NOP58: variants seen among roughly 807,000 people sequenced by gnomAD.
The protein encoded by NOP58 is nucleolar protein 58.
NOP58 carries 44 observed loss-of-function variants against 71.2 expected under a neutral mutation model. The observed-to-expected ratio is 0.62, with a 90% CI of 0.49 to 0.79. NOP58 has a LOEUF of 0.79. Ranked by LOEUF, NOP58 falls within the 30% of genes least tolerant of loss-of-function variation. The pLI, the probability that NOP58 is intolerant of heterozygous loss-of-function variation, is 0.00. For missense variants in NOP58, 538 were observed against 620.2 expected (o/e 0.87, Z 1.41); for synonymous variants, 228 against 200.3 (o/e 1.14, Z -1.17).
chr2:202,288,542 C>T (rs1688830530), intron 6 of NOP58, among the ~76,000 whole-genome samples: 1 of 150,356 alleles, frequency 6.7e-6, no homozygotes, highest in Non-Finnish European at 1.5e-5. Context: ...GAAATGCATT[C>T]GGCCGTGGCT....
chr2:202,303,333 A>G, intron 14 of NOP58, 53 bp from the exon 15 acceptor site: 2 of 1,603,346 alleles, frequency 1.2e-6, no homozygotes, highest in Non-Finnish European at 1.7e-6. Context: ...CAATGTGATT[A>G]CTCACCCATA....
intron 8 of NOP58, among the ~76,000 whole-genome samples, chr2:202,291,931 T>TA (rs1688907647): frequency 7.2e-6 from 1 of 138,720 alleles, no homozygotes; most frequent in Non-Finnish European, 1.5e-5. Flanking sequence ...ATATAGGAAT[T>TA]AAAAAGAGCA....
intron 14 of NOP58, 75 bp from the exon 15 acceptor site, chr2:202,303,310 GT>G: frequency 6.3e-7 from 1 of 1,579,008 alleles, no homozygotes; most frequent in Non-Finnish European, 8.6e-7. Flanking sequence ...TATAGGTGGG[GT>G]TTTTATATTT....
Position 202,297,805 on chromosome 2 carries a change from G to T in NOP58, c.1207-40G>T, listed in dbSNP as rs1173904691. ...GTATAGTGTATTATAAAGAGATTAT[G>T]ACTTAGAAGTGTATTTGTAATTTTT... On this transcript the variant is annotated intron_variant, in intron 11 of 14. Transcript: ENST00000264279. The T allele has an allele frequency of 2.6e-6, 3 of 1,173,650 alleles. No individual in the cohort carries two copies. The South Asian group carries it at 4.3e-5, about 17-fold the overall frequency. 72.7% of individuals were successfully genotyped at this position (1,173,650 alleles called of 1,614,324 possible). A position where few individuals can be genotyped will look rare whatever the true frequency, so the allele number is the denominator to read the frequency against.
At chr2:202,272,959 C>A (rs553363834) in intron 1 of NOP58, among the ~76,000 whole-genome samples, 1 of 151,980 alleles carries the variant, frequency 6.6e-6, no homozygotes, top group Non-Finnish European at 1.5e-5. Flanking sequence ...ACGGTGAAAC[C>A]CCATCTCTAC....
intron 4 of NOP58, among the ~76,000 whole-genome samples, chr2:202,282,785 G>A (rs1054670287): frequency 1.6e-4 from 25 of 151,944 alleles, no homozygotes; most frequent in Non-Finnish European, 3.2e-4. Context: ...TTTTTCCAAC[G>A]AAAATGGGGT....
intron 13 of NOP58, 84 bp from the exon 14 acceptor site, chr2:202,302,834 GAAA>G: frequency 6.7e-7 from 1 of 1,497,960 alleles, no homozygotes; most frequent in Non-Finnish European, 8.8e-7. Flanking sequence ...GAGAATGACA[GAAA>G]AAAACTAGGA....
intron 9 of NOP58, among the ~76,000 whole-genome samples, chr2:202,294,823 T>A (rs1045995120): frequency 7.2e-5 from 11 of 151,914 alleles, no homozygotes; most frequent in Admixed American, 1.3e-4. Context: ...AAAAATTAGC[T>A]GGGTGTAGTG....
At position 202,295,776 on chromosome 2, in the gene NOP58, A is replaced by T; in HGVS notation, c.1010A>T (p.Lys337Met). ...CTCAAATCTAGACGGGATACCCCTA[A>T]GTATGGTCTCATTTATCATGCTTCA... ...RALKSRRDTP[K>M]YGLIYHASLV... Residue 337 changes from lysine (K) to methionine (M), a missense_variant, in exon 10 of 15, where the codon AAG (lysine) becomes ATG (methionine). Coordinates refer to ENST00000264279, the MANE Select transcript of NOP58 (RefSeq NM_015934.5). 6.2e-7 allele frequency: 1 copy of T among 1,611,006 alleles called. No individual in the cohort carries two copies. The highest frequency in any genetic ancestry group is 8.5e-7 in the Non-Finnish European group (1 of 1,178,890).
chr2:202,283,624 A>G (rs893243249), intron 4 of NOP58, among the ~76,000 whole-genome samples: 2 of 151,520 alleles, frequency 1.3e-5, no homozygotes, highest in African/African-American at 2.4e-5. Flanking sequence ...TATTTTTAGT[A>G]GAGACGGGGT....
At chr2:202,282,986 G>A (rs1280984370) in intron 4 of NOP58, among the ~76,000 whole-genome samples, 5 of 152,132 alleles carry the variant, frequency 3.3e-5, no homozygotes, top group Admixed American at 3.3e-4. Context: ...GGCCAAGGTA[G>A]GAGTATCACG....
intron 3 of NOP58, 200 bp downstream of exon 3, chr2:202,278,202 T>C (rs759648064): frequency 6.3e-5 from 42 of 665,374 alleles, no homozygotes; most frequent in South Asian, 5.7e-4. Context: ...GTTAGCTTTT[T>C]TCACCATAGG....
At chr2:202,267,718 A>G (rs1301054963) in intron 1 of NOP58, among the ~76,000 whole-genome samples, 1 of 152,190 alleles carries the variant, frequency 6.6e-6, no homozygotes, top group African/African-American at 2.4e-5. Context: ...TGCACAGTGC[A>G]CTGGTTGTCT....
Position 202,282,436 on chromosome 2 carries a change from G to T in NOP58, c.261G>T (p.Leu87=), listed in dbSNP as rs746772637. 22 of 1,611,870 alleles carry T rather than the reference G, an allele frequency of 1.4e-5. No individual in the cohort carries two copies. Among genetic ancestry groups the T allele is most frequent in the African/African-American group, 4.0e-5 (3 of 74,744 alleles). ...KKIVKEAHEP[L]AVADAKLGGV... ...TAGTAAAAGAAGCCCATGAACCGCT[G>T]GCAGTAGCTGATGCTAAACTAGGAG... Residue 87 remains leucine (L), a synonymous_variant, in exon 4 of 15, where the codon CTG becomes CTT. Transcript: ENST00000264279.
Position 202,303,496 on chromosome 2 carries a change from G to A in NOP58, c.*60G>A. ...CATCATGCTTAAGATTCAACTGGGA[G>A]CATACCAGGGATGCTCTCTAACGTA... On this transcript the variant is annotated 3_prime_UTR_variant, in exon 15 of 15. Transcript: ENST00000264279. 4 of 1,562,978 alleles carry A rather than the reference G, an allele frequency of 2.6e-6. No homozygotes were observed. The highest frequency in any genetic ancestry group is 1.2e-5 in the South Asian group (1 of 85,782).
At chr2:202,289,565 C>T (rs1348378505) in intron 6 of NOP58, among the ~76,000 whole-genome samples, 2 of 152,168 alleles carry the variant, frequency 1.3e-5, no homozygotes, top group Non-Finnish European at 2.9e-5. Flanking sequence ...CTCTGAAATA[C>T]TTCTGGTCCC....
intron 3 of NOP58, among the ~76,000 whole-genome samples, chr2:202,280,020 A>G (rs912829010): frequency 6.6e-6 from 1 of 152,210 alleles, no homozygotes; most frequent in African/African-American, 2.4e-5. Context: ...TGTCATAGAA[A>G]CATTTACAAT....
intron 1 of NOP58, among the ~76,000 whole-genome samples, chr2:202,268,057 A>G (rs531678868): frequency 1.5e-4 from 23 of 152,334 alleles, no homozygotes; most frequent in African/African-American, 5.3e-4. Flanking sequence ...GGAACTAGTG[A>G]TGGCTGCACA....
At chr2:202,279,364 C>T (rs1224982914) in intron 3 of NOP58, among the ~76,000 whole-genome samples, 4 of 152,174 alleles carry the variant, frequency 2.6e-5, no homozygotes, top group Admixed American at 2.6e-4. Flanking sequence ...CAGATTTATG[C>T]TTATGATTTC....
Sources: gnomAD v4.1 joint callset for allele counts (sites outside exome capture counted in the v4.1 genomes callset) on GRCh38, gnomAD v4.1.1 for gene constraint, MANE v1.5 for transcripts, NCBI Gene and HGNC (gene_info 2026-07-23, HGNC 2026-07-21) for gene names.